Variants in BBS9 observed in about 807,000 individuals in gnomAD.
BBS9 encodes protein PTHB1.
In BBS9, 89 loss-of-function variants were observed where a neutral mutation model predicts 117.7. The observed-to-expected ratio is 0.76, with a 90% confidence interval of 0.64 to 0.90. The LOEUF (loss-of-function observed/expected upper bound fraction) is 0.90. Among genes scored for constraint, BBS9 ranks in the 40% least tolerant of loss-of-function variants. The pLI, the probability that BBS9 is intolerant of heterozygous loss-of-function variation, is 0.00. For synonymous variants in BBS9, 379 were observed against 370.9 expected, an observed-to-expected ratio of 1.02 and a Z score of -0.25; for missense variants, 982 against 1,042.2, an observed-to-expected ratio of 0.94 and a Z score of 0.80.
intron 1 of BBS9, among the ~76,000 whole-genome samples, chr7:33,135,214 C>T (rs375656473): frequency 2.0e-5 from 3 of 152,222 alleles, no homozygotes; most frequent in South Asian, 2.1e-4. Context: ...TTATTGCTCA[C>T]GTTTCTGGTG....
intron 15 of BBS9, among the ~76,000 whole-genome samples, chr7:33,353,335 T>C (rs528481679): frequency 6.6e-6 from 1 of 152,184 alleles, no homozygotes; most frequent in Non-Finnish European, 1.5e-5. Flanking sequence ...ATATTCCTTG[T>C]CTTGTTTAGA....
intron 9 of BBS9, among the ~76,000 whole-genome samples, chr7:33,291,566 T>C (rs1398340551): frequency 1.3e-5 from 2 of 152,224 alleles, no homozygotes; most frequent in Non-Finnish European, 2.9e-5. Context: ...TAGAAGTATA[T>C]GTTACTTTAC....
At chr7:33,484,317 A>G (rs1322417060) in intron 19 of BBS9, among the ~76,000 whole-genome samples, 2 of 152,238 alleles carry the variant, frequency 1.3e-5, no homozygotes, top group Non-Finnish European at 1.5e-5. Context: ...TATTATGTAT[A>G]CAGCATATGT....
chr7:33,133,980 C>T (rs572877987), intron 1 of BBS9, among the ~76,000 whole-genome samples: 34 of 152,202 alleles, frequency 2.2e-4, no homozygotes, highest in African/African-American at 6.5e-4. Context: ...TATCTGACTT[C>T]GATTCTGTCA....
Position 33,413,529 on chromosome 7 carries a change from G to A in BBS9, c.2115+25385G>A, listed in dbSNP as rs114514956. On this transcript the variant is annotated intron_variant, in intron 19 of 22. Transcript: ENST00000242067. ...GTATTCCCTCACACTGTCTTCATTA[G>A]TAAGTACATCAATATCACTGTTTTC... is the stretch of plus-strand genomic sequence containing the variant. 5.9e-3 allele frequency among the ~76,000 whole-genome samples: 902 copies of A among 152,240 alleles called. 6 individuals are homozygous for A. The highest frequency in any genetic ancestry group is 0.017 in the Middle Eastern group (5 of 294).
intron 9 of BBS9, among the ~76,000 whole-genome samples, chr7:33,330,085 C>T (rs1234365175): frequency 6.6e-6 from 1 of 151,900 alleles, no homozygotes; most frequent in African/African-American, 2.4e-5. Flanking sequence ...ATGATCTCGG[C>T]TCACTGCAAC....
intron 21 of BBS9, among the ~76,000 whole-genome samples, chr7:33,567,812 C>T (rs1221168781): frequency 6.6e-6 from 1 of 152,114 alleles, no homozygotes; most frequent in Non-Finnish European, 1.5e-5. Flanking sequence ...ACCCCAAAAC[C>T]TACTTCTCTT....
At chr7:33,468,426 G>A (rs1053949605) in intron 19 of BBS9, among the ~76,000 whole-genome samples, 1 of 151,996 alleles carries the variant, frequency 6.6e-6, no homozygotes, top group African/African-American at 2.4e-5. Flanking sequence ...ATATTTATGG[G>A]ATACATGTGA....
chr7:33,471,432 C>T (rs1841024068), intron 19 of BBS9, among the ~76,000 whole-genome samples: 1 of 152,186 alleles, frequency 6.6e-6, no homozygotes, highest in Non-Finnish European at 1.5e-5. Flanking sequence ...TTAGAACTCC[C>T]TGAGGCTGGG....
chr7:33,415,122 G>A lies in BBS9; in HGVS notation c.2115+26978G>A, dbSNP rs567658738. On this transcript the variant is annotated intron_variant, in intron 19 of 22. Transcript: ENST00000242067. ...GAAAAACCAATGACCTTCATGGTGG[G>A]CTTCTTGGGGTAGGAGGAAAGGATG... Among the ~76,000 whole-genome samples, 10 of 152,212 alleles carry A rather than the reference G, an allele frequency of 6.6e-5. No homozygotes were observed. In the South Asian group the frequency reaches 1.7e-3, roughly 25 times the overall value.
rs543298741 is a variant in BBS9 at position 33,380,072 on chromosome 7, G to A, written c.1790-3594G>A. Reference sequence around the variant, plus strand: ...GTTCCTAGTGCAGGAGCAGCTGCACGGGAGCTGGAGGAGCTGATGACTAGC... The same window carrying A: ...GTTCCTAGTGCAGGAGCAGCTGCACAGGAGCTGGAGGAGCTGATGACTAGC... On this transcript the variant is annotated intron_variant, in intron 17 of 22. Coordinates refer to ENST00000242067, the MANE Select transcript of BBS9 (RefSeq NM_198428.3). 1.5e-4 allele frequency: 23 copies of A among 155,074 alleles called. 1 individual carries two copies. In the South Asian group the frequency reaches 2.7e-3, roughly 18 times the overall value. The allele number at this position is 155,074 out of a possible 1,614,324, so 9.6% of individuals were successfully genotyped here. A position where few individuals can be genotyped will look rare whatever the true frequency, so the allele number is the denominator to read the frequency against.
chr7:33,484,385 A>AATC (rs1464914272), intron 19 of BBS9, among the ~76,000 whole-genome samples: 1 of 152,200 alleles, frequency 6.6e-6, no homozygotes, highest in Admixed American at 6.5e-5. Context: ...ACAAAGTTGG[A>AATC]ATCATAGCCA....
intron 7 of BBS9, among the ~76,000 whole-genome samples, chr7:33,266,986 G>A (rs1040791137): frequency 2.6e-5 from 4 of 151,978 alleles, no homozygotes; most frequent in African/African-American, 4.8e-5. Flanking sequence ...CTCGTGATCC[G>A]CCTGCCTTGG....
intron 9 of BBS9, among the ~76,000 whole-genome samples, chr7:33,288,066 A>C (rs1299222157): frequency 6.6e-6 from 1 of 152,176 alleles, no homozygotes; most frequent in Non-Finnish European, 1.5e-5. Flanking sequence ...AAACATGTGC[A>C]GTAAGGGGAA....
chr7:33,402,258 T>C (rs17170217), intron 19 of BBS9, among the ~76,000 whole-genome samples: 13,120 of 152,248 alleles, frequency 0.086, 602 homozygotes, highest in South Asian at 0.14. Context: ...TCAAAAATTC[T>C]GAAGAGTTGC....
At chr7:33,198,219 T>A (rs1380627435) in intron 5 of BBS9, among the ~76,000 whole-genome samples, 1 of 152,024 alleles carries the variant, frequency 6.6e-6, no homozygotes, top group African/African-American at 2.4e-5. Context: ...TGAGATGTAA[T>A]CCTAAATTTA....
intron 13 of BBS9, among the ~76,000 whole-genome samples, chr7:33,350,637 G>A (rs748311601): frequency 1.4e-4 from 22 of 152,156 alleles, no homozygotes; most frequent in Non-Finnish European, 3.1e-4. Context: ...CATGCTGTCT[G>A]TTCCTCGAAG....
At chr7:33,497,195 T>A (rs1045533740) in intron 19 of BBS9, among the ~76,000 whole-genome samples, 3 of 152,192 alleles carry the variant, frequency 2.0e-5, no homozygotes, top group Non-Finnish European at 2.9e-5. Context: ...AGCAATTTTT[T>A]AAAAAGTAGA....
chr7:33,603,430 G>T (rs551910448), intron 21 of BBS9, among the ~76,000 whole-genome samples: 1 of 152,080 alleles, frequency 6.6e-6, no homozygotes, highest in African/African-American at 2.4e-5. Flanking sequence ...CTCTCCAAAG[G>T]TCTCAGCCCC....
Sources: allele counts gnomAD v4.1 joint callset (sites outside exome capture counted in the v4.1 genomes callset), GRCh38; gene constraint gnomAD v4.1.1; transcripts MANE v1.5; gene names NCBI Gene and HGNC (gene_info 2026-07-23, HGNC 2026-07-21).